PLEKHD1: variants seen among roughly 807,000 people sequenced by gnomAD.
The protein encoded by PLEKHD1 is pleckstrin homology and coiled-coil domain containing D1.
PLEKHD1 carries 51 observed loss-of-function variants against 69.2 expected under a neutral mutation model. The observed-to-expected ratio is 0.74, with a 90% CI of 0.59 to 0.93. PLEKHD1 has a LOEUF of 0.93. PLEKHD1 is among the 40% of genes least tolerant of loss of function. The pLI is 0.00. For synonymous variants in PLEKHD1, 236 were observed against 244.7 expected, an observed-to-expected ratio of 0.96 and a Z score of 0.33; for missense variants, 584 against 641.0, an observed-to-expected ratio of 0.91 and a Z score of 0.96.
At chr14:69,523,493 C>T (rs1020663436) in intron 7 of PLEKHD1, among the ~76,000 whole-genome samples, 3 of 152,104 alleles carry the variant, frequency 2.0e-5, no homozygotes, top group African/African-American at 7.2e-5. Flanking sequence ...ACTCAGCTTC[C>T]AGAATGTTGC....
rs79033361 is a variant in PLEKHD1 at position 69,488,869 on chromosome 14, C to T, written c.149+3755C>T. 1.9e-3 allele frequency among the ~76,000 whole-genome samples: 291 copies of T among 152,296 alleles called. 11 individuals are homozygous for T. The East Asian group carries it at 0.05, about 26-fold the overall frequency. The stretch of plus-strand genomic sequence containing the variant: ...GAGGCACAGAGGCAGGGGGAAGGTG[C>T]CTTTTCTGAGTCTCCTCAGATTCCT... On this transcript the variant is annotated intron_variant, in intron 1 of 12. Coordinates refer to ENST00000322564, the MANE Select transcript of PLEKHD1 (RefSeq NM_001161498.2).
chr14:69,484,995 G>T lies in PLEKHD1; in HGVS notation c.30G>T (p.Ser10=). 6.4e-7 allele frequency: 1 copy of T among 1,551,122 alleles called. No individual in the cohort carries two copies. Among genetic ancestry groups the T allele is most frequent in the Non-Finnish European group, 8.7e-7 (1 of 1,146,852 alleles). The part of the protein sequence containing the change: MFTSKSNSV[S]PSPSLEQADS... ...TCACGTCCAAGTCCAACTCGGTGTC[G>T]CCCTCGCCGTCCCTGGAGCAGGCTG... The change falls in exon 1 of 13, where the codon TCG becomes TCT. Residue 10 remains serine, a synonymous_variant. Transcript: ENST00000322564.
At chr14:69,500,374 C>A in intron 2 of PLEKHD1, 166 bp downstream of exon 2, 1 of 703,392 alleles carries the variant, frequency 1.4e-6, no homozygotes, top group East Asian at 2.7e-5. Flanking sequence ...CTGGGCTGGA[C>A]CCTCACTCTC....
At chr14:69,470,770 CT>C in the PLEKHD1 span, among the ~76,000 whole-genome samples, 79 of 150,040 alleles carry the variant, frequency 5.3e-4, 1 homozygote, top group South Asian at 5.1e-3. Flanking sequence ...TCTTGTCTTT[CT>C]TTTTTTTTTC....
Position 69,527,784 on chromosome 14 carries a change from G to A in PLEKHD1, c.1203G>A (p.Arg401=). 6.4e-7 allele frequency: 1 copy of A among 1,551,490 alleles called. No homozygotes were observed. The part of the protein sequence containing the change: ...RMRADVSHLK[R]FFEECIRNAE... ...CCCTTCCTGGCCCTGCCGCCACAGG[G>A]TTCTTTGAGGAGTGCATCCGGAATG... Residue 401 remains arginine, a splice_region_variant and synonymous_variant, in exon 12 of 13, where the codon AGG becomes AGA. Coordinates refer to ENST00000322564, the MANE Select transcript of PLEKHD1 (RefSeq NM_001161498.2).
upstream of PLEKHD1, among the ~76,000 whole-genome samples, chr14:69,484,170 T>G (rs1882599518): frequency 6.6e-6 from 1 of 152,228 alleles, no homozygotes; most frequent in East Asian, 1.9e-4. Context: ...ATGGAGCCCC[T>G]CCCCATGCGG....
At chr14:69,518,176 A>G (rs1452246921) in intron 6 of PLEKHD1, among the ~76,000 whole-genome samples, 1 of 152,036 alleles carries the variant, frequency 6.6e-6, no homozygotes, top group Non-Finnish European at 1.5e-5. Context: ...GAACTACTAC[A>G]GGCTTGTACC....
chr14:69,484,853 C>A lies in PLEKHD1; in HGVS notation c.-113C>A. 1 of 1,313,822 alleles carries A rather than the reference C, an allele frequency of 7.6e-7. No homozygotes were observed. Among genetic ancestry groups the A allele is most frequent in the Non-Finnish European group, 1.0e-6 (1 of 969,336 alleles). 81.4% of individuals were successfully genotyped at this position (1,313,822 alleles called of 1,614,324 possible). On this transcript the variant is annotated 5_prime_UTR_variant, in exon 1 of 13. The change creates a premature stop within an existing upstream ORF in the 5' untranslated region. Transcript: ENST00000322564. ...TGCAGCTCCGGGCCGGGCCGCTCTGCTTCTCTGCTCGCTGGGACGCTCTCC... is the reference window on the plus strand; with the variant it reads ...TGCAGCTCCGGGCCGGGCCGCTCTGATTCTCTGCTCGCTGGGACGCTCTCC...
chr14:69,519,841 A>G (rs1883468949), intron 6 of PLEKHD1, among the ~76,000 whole-genome samples: 1 of 152,174 alleles, frequency 6.6e-6, no homozygotes, highest in East Asian at 1.9e-4. Flanking sequence ...ATCATTTGTG[A>G]AGCGGCAGAG....
chr14:69,515,216 C>T (rs184133449), intron 6 of PLEKHD1, among the ~76,000 whole-genome samples: 1 of 152,128 alleles, frequency 6.6e-6, no homozygotes, highest in Admixed American at 6.5e-5. Flanking sequence ...AACCAACCAA[C>T]AAACAAAAAA....
At position 69,527,893 on chromosome 14, in the gene PLEKHD1, C is replaced by T. The variant is rs368315291; in HGVS notation, c.1312C>T (p.Arg438Cys). ...AGCCACTCGCCGCATCAAGAGCTGC[C>T]GCTTCCACCGACGCCGGTCCAGCAC... Reference protein sequence around the residue: ...KAATRRIKSCRFHRRRSSTSW... With the variant: ...KAATRRIKSCCFHRRRSSTSW... Residue 438 changes from arginine (R) to cysteine (C), a missense_variant, in exon 12 of 13, where the codon CGC becomes TGC. By Grantham distance (180) the Arg-to-Cys change is radical. Transcript: ENST00000322564. 1.4e-5 allele frequency: 22 copies of T among 1,551,430 alleles called. No individual in the cohort carries two copies. Among genetic ancestry groups the T allele is most frequent in the Non-Finnish European group, 1.9e-5 (22 of 1,147,012 alleles).
At chr14:69,476,687 G>A in the PLEKHD1 span, among the ~76,000 whole-genome samples, 4 of 152,258 alleles carry the variant, frequency 2.6e-5, no homozygotes, top group Non-Finnish European at 5.9e-5. Flanking sequence ...GTGAGAAGAT[G>A]TGAAGAGCAT....
intron 9 of PLEKHD1, among the ~76,000 whole-genome samples, chr14:69,526,424 G>A (rs2139533593): frequency 6.6e-6 from 1 of 152,256 alleles, no homozygotes; most frequent in Admixed American, 6.5e-5. Flanking sequence ...TGAGGAAATG[G>A]AGCCTCAGGG....
At chr14:69,513,337 A>G (rs1883313852) in intron 6 of PLEKHD1, among the ~76,000 whole-genome samples, 1 of 152,230 alleles carries the variant, frequency 6.6e-6, no homozygotes, top group Non-Finnish European at 1.5e-5. Context: ...ATCACAGCAG[A>G]TTGACAGAGA....
At chr14:69,499,253 AC>A (rs1882967715) in intron 1 of PLEKHD1, among the ~76,000 whole-genome samples, 1 of 146,446 alleles carries the variant, frequency 6.8e-6, no homozygotes, top group South Asian at 2.1e-4. Context: ...ACACACACAC[AC>A]ACACACACAC....
At chr14:69,470,129 C>CT in the PLEKHD1 span, among the ~76,000 whole-genome samples, 1 of 151,872 alleles carries the variant, frequency 6.6e-6, no homozygotes, top group African/African-American at 2.4e-5. Flanking sequence ...CACTAACATT[C>CT]TTTTTTTTAT....
intron 8 of PLEKHD1, 136 bp downstream of exon 8, chr14:69,524,458 G>A: frequency 1.4e-6 from 1 of 733,502 alleles, no homozygotes; most frequent in Non-Finnish European, 2.3e-6. Flanking sequence ...CTGATCTAAA[G>A]GGTCTCTTCT....
At chr14:69,525,351 T>C (rs1053344620) in intron 8 of PLEKHD1, among the ~76,000 whole-genome samples, 3 of 152,208 alleles carry the variant, frequency 2.0e-5, no homozygotes, top group African/African-American at 7.2e-5. Context: ...GGGGCCTTTA[T>C]TCATTTATCT....
chr14:69,528,472 A>G lies in PLEKHD1; in HGVS notation c.*53A>G. On this transcript the variant is annotated 3_prime_UTR_variant, in exon 13 of 13. Transcript: ENST00000322564. ...CTCCCCTGGATGGGCGGGGGAGGGG[A>G]AGGGGTGGCAGAGGGAGGCCTCACT... The G allele has an allele frequency of 6.6e-7, 1 of 1,525,490 alleles. No individual in the cohort carries two copies. Among genetic ancestry groups the G allele is most frequent in the Non-Finnish European group, 8.8e-7 (1 of 1,135,154 alleles). 94.5% of individuals were successfully genotyped at this position (1,525,490 alleles called of 1,614,324 possible).
Sources: allele counts gnomAD v4.1 joint callset (sites outside exome capture counted in the v4.1 genomes callset), GRCh38; gene constraint gnomAD v4.1.1; transcripts MANE v1.5; gene names NCBI Gene and HGNC (gene_info 2026-07-23, HGNC 2026-07-21).